The following PPP2R2D variants were observed in gnomAD, a reference collection of about 807,000 sequenced individuals.
PPP2R2D encodes protein phosphatase 2 regulatory subunit Bdelta.
PPP2R2D carries 9 observed loss-of-function variants against 31.1 expected under a neutral mutation model. The ratio of observed to expected loss-of-function variants is 0.29; its 90% CI spans 0.17 to 0.51. The LOEUF (loss-of-function observed/expected upper bound fraction) is 0.51, where lower values mean the gene tolerates loss of function less well. Among genes scored for constraint, PPP2R2D ranks in the 20% least tolerant of loss-of-function variants. The pLI is 0.98. For synonymous variants in PPP2R2D, 179 were observed against 172.6 expected (o/e 1.04, Z -0.29); for missense variants, 391 against 465.6 (o/e 0.84, Z 1.48).
At chr10:131,952,422 G>A (rs2036667957) in intron 8 of PPP2R2D, among the ~76,000 whole-genome samples, 1 of 104,020 alleles carries the variant, frequency 9.6e-6, no homozygotes, top group Non-Finnish European at 1.9e-5. Context: ...GGTGTGCGGG[G>A]GTTCACTGTC....
intron 3 of PPP2R2D, among the ~76,000 whole-genome samples, chr10:131,938,893 C>T (rs1305812676): frequency 6.6e-6 from 1 of 152,220 alleles, no homozygotes; most frequent in African/African-American, 2.4e-5. Context: ...TGCTGGCTCT[C>T]CTCTAGAGCA....
At chr10:131,909,913 TAAGC>T (rs1240911342) in intron 2 of PPP2R2D, among the ~76,000 whole-genome samples, 1 of 152,258 alleles carries the variant, frequency 6.6e-6, no homozygotes, top group Non-Finnish European at 1.5e-5. Context: ...ACAAAAAGAT[TAAGC>T]AAGAAGAACA....
At chr10:131,939,094 C>A (rs1383985423) in intron 3 of PPP2R2D, among the ~76,000 whole-genome samples, 1 of 150,888 alleles carries the variant, frequency 6.6e-6, no homozygotes, top group Non-Finnish European at 1.5e-5. Flanking sequence ...ATTCAGCAGA[C>A]CTGCTCCAGA....
chr10:131,964,067 A>G (rs1445131683), downstream of PPP2R2D, among the ~76,000 whole-genome samples: 7 of 152,060 alleles, frequency 4.6e-5, no homozygotes, highest in Non-Finnish European at 8.8e-5. Context: ...CTCCCCCTCA[A>G]TTTTGGTTTG....
Position 131,924,239 on chromosome 10 carries a change from A to G in PPP2R2D, c.101-10219A>G, listed in dbSNP as rs184893333. On this transcript the variant is annotated intron_variant, in intron 2 of 8. Coordinates refer to ENST00000455566, the MANE Select transcript of PPP2R2D (RefSeq NM_018461.5). ...TATTATATGTAAGAGACCACTGTCT[A>G]ATCCAAGATTGTGAAGATTTATTCA... Among the ~76,000 whole-genome samples, 509 of 152,260 alleles carry G rather than the reference A, an allele frequency of 3.3e-3. 5 individuals are homozygous for G. Among genetic ancestry groups the G allele is most frequent in the Non-Finnish European group, 5.4e-3 (370 of 68,030 alleles).
chr10:131,971,102 C>T, the PPP2R2D span: 20 of 839,020 alleles, frequency 2.4e-5, no homozygotes, highest in East Asian at 1.3e-4. Flanking sequence ...TGCCTCGGAC[C>T]GTGGTCCAAG....
Position 131,958,931 on chromosome 10 carries a change from G to T in PPP2R2D, c.*2968G>T, listed in dbSNP as rs2036873416. On this transcript the variant is annotated 3_prime_UTR_variant, in exon 9 of 9. Coordinates refer to ENST00000455566, the MANE Select transcript of PPP2R2D (RefSeq NM_018461.5). The stretch of plus-strand genomic sequence containing the variant: ...CCCATCCCCCTGTGGAGATAAAGGT[G>T]TGTGCTGATCCCCCATCCCCCTGTG... The T allele has an allele frequency of 6.9e-6, 1 of 145,718 alleles. No homozygotes were observed. Among genetic ancestry groups the T allele is most frequent in the Non-Finnish European group, 1.4e-5 (1 of 73,306 alleles). The allele number at this position is 145,718 out of a possible 1,614,324, so 9.0% of individuals were successfully genotyped here. A position where few individuals can be genotyped will look rare whatever the true frequency, so the allele number is the denominator to read the frequency against.
chr10:131,914,703 CAGA>C (rs1554892843), intron 2 of PPP2R2D, among the ~76,000 whole-genome samples: 1 of 152,166 alleles, frequency 6.6e-6, no homozygotes, highest in East Asian at 1.9e-4. Context: ...GCAGCTTTTG[CAGA>C]AGAACGGTGA....
intron 2 of PPP2R2D, among the ~76,000 whole-genome samples, chr10:131,930,848 C>T (rs1564817365): frequency 1.3e-5 from 2 of 152,188 alleles, no homozygotes; most frequent in African/African-American, 2.4e-5. Flanking sequence ...GGTGGGCCAC[C>T]GAAACTGATC....
intron 3 of PPP2R2D, among the ~76,000 whole-genome samples, chr10:131,937,610 C>T (rs144894069): frequency 2.6e-5 from 4 of 152,152 alleles, no homozygotes; most frequent in African/African-American, 7.2e-5. Context: ...GGCAGAGAGA[C>T]AAGCCTGCAG....
rs779401090 is a variant in PPP2R2D at position 131,947,825 on chromosome 10, A to G, written c.1082+34A>G. 3.1e-6 allele frequency: 5 copies of G among 1,600,724 alleles called. No individual in the cohort carries two copies. Among genetic ancestry groups the G allele is most frequent in the African/African-American group, 1.3e-5 (1 of 74,802 alleles). On this transcript the variant is annotated intron_variant, in intron 8 of 8. Coordinates refer to ENST00000455566, the MANE Select transcript of PPP2R2D (RefSeq NM_018461.5). This position sits in a 1 kb window ranked among gnomAD's most constrained non-coding sequence, Gnocchi z 4.3. The stretch of plus-strand genomic sequence containing the variant: ...TGCGTGGAGATGAGCTGTCGCCCCA[A>G]GCTTGCTGGTTTCCGAGAGTGCAAG...
Position 131,947,032 on chromosome 10 carries a change from G to A in PPP2R2D, c.821-498G>A, listed in dbSNP as rs1403956352. Among the ~76,000 whole-genome samples, 6 of 152,172 alleles carry A rather than the reference G, an allele frequency of 3.9e-5. No homozygotes were observed. Among genetic ancestry groups the A allele is most frequent in the African/African-American group, 1.4e-4 (6 of 41,438 alleles). ...CCACAAACTGTCGACCCTCCAAAAAGCAGGCAGTTTCTTAGAGGCACAGAC... is the reference window on the plus strand; with the variant it reads ...CCACAAACTGTCGACCCTCCAAAAAACAGGCAGTTTCTTAGAGGCACAGAC... On this transcript the variant is annotated intron_variant, in intron 7 of 8. Transcript: ENST00000455566. This position sits in a 1 kb window ranked among gnomAD's most constrained non-coding sequence, Gnocchi z 4.3.
intron 3 of PPP2R2D, 92 bp from the exon 4 acceptor site, chr10:131,939,939 A>G (rs1444054968): frequency 2.3e-6 from 1 of 432,030 alleles, no homozygotes. Flanking sequence ...TTTAAAAAAT[A>G]TGTATGGTCA....
At chr10:131,933,434 C>T (rs528967070) in intron 2 of PPP2R2D, among the ~76,000 whole-genome samples, 25 of 152,216 alleles carry the variant, frequency 1.6e-4, no homozygotes, top group East Asian at 3.9e-4. Flanking sequence ...CAGGTCACTG[C>T]GAGCCCTTGA....
intron 2 of PPP2R2D, 56 bp downstream of exon 2, chr10:131,901,386 C>G: frequency 2.9e-6 from 1 of 348,066 alleles, no homozygotes; most frequent in Non-Finnish European, 5.2e-6. Context: ...CCCAGCCCGG[C>G]CGCGCGCGGC....
chr10:131,907,966 G>C (rs2119721975), intron 2 of PPP2R2D, among the ~76,000 whole-genome samples: 1 of 152,286 alleles, frequency 6.6e-6, no homozygotes, highest in African/African-American at 2.4e-5. Flanking sequence ...TTTCAACTCT[G>C]AGGGCCCCTT....
At chr10:131,946,141 CT>C (rs2036536117) in intron 7 of PPP2R2D, among the ~76,000 whole-genome samples, 1 of 152,240 alleles carries the variant, frequency 6.6e-6, no homozygotes, top group Non-Finnish European at 1.5e-5. Context: ...GAATGAGCTC[CT>C]GTTCATGTTG....
At chr10:131,916,667 T>C (rs113590591) in intron 2 of PPP2R2D, among the ~76,000 whole-genome samples, 41,872 of 145,066 alleles carry the variant, frequency 0.29, 5,753 homozygotes, top group East Asian at 0.46. Flanking sequence ...AATGACACAG[T>C]GTTTGTAGGG....
intron 2 of PPP2R2D, among the ~76,000 whole-genome samples, chr10:131,907,196 A>T (rs1396854376): frequency 6.6e-6 from 1 of 151,644 alleles, no homozygotes; most frequent in African/African-American, 2.4e-5. Flanking sequence ...TTATTCATTT[A>T]TATTTTTTTT....
Sources: gnomAD v4.1 joint callset for allele counts (sites outside exome capture counted in the v4.1 genomes callset) on GRCh38, gnomAD v4.1.1 for gene constraint, Gnocchi (gnomAD v3.1) non-coding constraint, MANE v1.5 for transcripts, NCBI Gene and HGNC (gene_info 2026-07-23, HGNC 2026-07-21) for gene names.